EPS8: variants seen among roughly 807,000 people sequenced by gnomAD.
EPS8 encodes EGFR pathway substrate 8, signaling adaptor, also known as epidermal growth factor receptor kinase substrate 8.
In EPS8, 42 loss-of-function variants were observed where a neutral mutation model predicts 103.8. The observed-to-expected ratio is 0.40, with a 90% confidence interval of 0.32 to 0.52. The LOEUF (loss-of-function observed/expected upper bound fraction) is 0.52, where lower values mean the gene tolerates loss of function less well. Ranked by LOEUF, EPS8 falls within the 20% of genes least tolerant of loss-of-function variation. The pLI, the probability that EPS8 is intolerant of heterozygous loss-of-function variation, is 0.40. For missense variants in EPS8, 969 were observed against 1,005.1 expected (o/e 0.96, Z 0.49); for synonymous variants, 344 against 344.6 (o/e 1.00, Z 0.02).
At chr12:15,644,994 C>G (rs1416604463) in intron 15 of EPS8, among the ~76,000 whole-genome samples, 1 of 152,100 alleles carries the variant, frequency 6.6e-6, no homozygotes, top group Non-Finnish European at 1.5e-5. Flanking sequence ...ATAAAATCTA[C>G]CCACCACTCA....
chr12:15,686,747 G>A (rs1203562429), intron 1 of EPS8, among the ~76,000 whole-genome samples: 1 of 152,060 alleles, frequency 6.6e-6, no homozygotes, highest in Non-Finnish European at 1.5e-5. Context: ...ACTCTTGCTT[G>A]CATCTCATAT....
chr12:15,659,405 A>G (rs968299107), intron 10 of EPS8, among the ~76,000 whole-genome samples: 2 of 152,180 alleles, frequency 1.3e-5, no homozygotes, highest in African/African-American at 4.8e-5. Context: ...AACTGGATAC[A>G]GGAGATGTTG....
Position 15,735,608 on chromosome 12 carries a change from G to GT in EPS8, c.-21-52637dup. Among the ~76,000 whole-genome samples the GT allele has an allele frequency of 6.6e-6, 1 of 152,276 alleles. No individual in the cohort carries two copies. Among genetic ancestry groups the GT allele is most frequent in the Admixed American group, 6.5e-5 (1 of 15,288 alleles). On this transcript the variant is annotated intron_variant, in intron 1 of 20. Transcript: ENST00000281172. The surrounding 1 kb of genome is among the most constrained non-coding windows in gnomAD (Gnocchi z 4.4). ...ATATTTTTCTAGCGTTTTATAAACT[G>GT]TAAGTAAAATAGGCACATTTAAGTA... is the stretch of plus-strand genomic sequence containing the variant.
chr12:15,742,175 T>C (rs148756212), intron 1 of EPS8, among the ~76,000 whole-genome samples: 3,107 of 152,326 alleles, frequency 0.02, 105 homozygotes, highest in African/African-American at 0.071. Context: ...TATAAACATA[T>C]GTGTGCATGT....
At chr12:15,632,396 A>G (rs556037235) in intron 17 of EPS8, among the ~76,000 whole-genome samples, 1 of 152,316 alleles carries the variant, frequency 6.6e-6, no homozygotes, top group South Asian at 2.1e-4. Flanking sequence ...TACTTATAAA[A>G]CAGCATTTGT....
intron 1 of EPS8, among the ~76,000 whole-genome samples, chr12:15,718,067 G>A (rs972963264): frequency 3.3e-5 from 5 of 152,158 alleles, no homozygotes; most frequent in Non-Finnish European, 7.4e-5. Flanking sequence ...TAAGACCTCA[G>A]CACAAGGAAA....
At chr12:15,660,314 A>G (rs1047515009) in intron 10 of EPS8, among the ~76,000 whole-genome samples, 3 of 149,322 alleles carry the variant, frequency 2.0e-5, no homozygotes, top group Non-Finnish European at 3.0e-5. Flanking sequence ...TCCAGGCTGG[A>G]GTGCAATGGT....
At chr12:15,732,635 A>G (rs1946729031) in intron 1 of EPS8, 1 of 309,320 alleles carries the variant, frequency 3.2e-6, no homozygotes, top group South Asian at 1.3e-4. Context: ...TTTTCTTTAA[A>G]TAGTCAATTA....
At position 15,733,286 on chromosome 12, in the gene EPS8, G is replaced by A. The variant is rs1368018481; in HGVS notation, c.-21-50314C>T. On this transcript the variant is annotated intron_variant, in intron 1 of 20. Transcript: ENST00000281172. The surrounding 1 kb of genome is among the most constrained non-coding windows in gnomAD (Gnocchi z 4.8). ...GCAAGCCCGTCTAACAGGTGAGAGG[G>A]GACAGTGTGTGAAGGAGGAACTGTC... Among the ~76,000 whole-genome samples, 1 of 152,086 alleles carries A rather than the reference G, an allele frequency of 6.6e-6. No homozygotes were observed. Among genetic ancestry groups the A allele is most frequent in the Non-Finnish European group, 1.5e-5 (1 of 68,018 alleles).
At position 15,734,597 on chromosome 12, in the gene EPS8, G is replaced by C. The variant is rs1700611753; in HGVS notation, c.-21-51625C>G. ...TGGTCCCAGCTACTCGGGAGGCTGA[G>C]GCAGGAGAATGGCGTGAACCTGGGA... On this transcript the variant is annotated intron_variant, in intron 1 of 20. Coordinates refer to ENST00000281172, the MANE Select transcript of EPS8 (RefSeq NM_004447.6). This position sits in a 1 kb window ranked among gnomAD's most constrained non-coding sequence, Gnocchi z 4.1. Among the ~76,000 whole-genome samples, 1 of 152,130 alleles carries C rather than the reference G, an allele frequency of 6.6e-6. No individual in the cohort carries two copies. The highest frequency in any genetic ancestry group is 6.5e-5 in the Admixed American group (1 of 15,282).
Position 15,757,446 on chromosome 12 carries a change from C to T in EPS8, c.-22+31715G>A, listed in dbSNP as rs1328920026. Among the ~76,000 whole-genome samples the T allele has an allele frequency of 6.6e-6, 1 of 151,968 alleles. No individual in the cohort carries two copies. The highest frequency in any genetic ancestry group is 2.4e-5 in the African/African-American group (1 of 41,372). Reference sequence around the variant, plus strand: ...GAGATCGAGACCATCCTGGCCAACACGGTGAAACCTCATCTCTACTAAAAA... The same window carrying T: ...GAGATCGAGACCATCCTGGCCAACATGGTGAAACCTCATCTCTACTAAAAA... On this transcript the variant is annotated intron_variant, in intron 1 of 20. Transcript: ENST00000281172. This position sits in a 1 kb window ranked among gnomAD's most constrained non-coding sequence, Gnocchi z 4.1.
chr12:15,782,639 A>C (rs77453355), intron 1 of EPS8, among the ~76,000 whole-genome samples: 6,102 of 152,296 alleles, frequency 0.04, 415 homozygotes, highest in African/African-American at 0.14. Context: ...TTATCATTTT[A>C]TGGTAGTAAC....
rs941705578 is a variant in EPS8, at chr12:15,706,292, G to A, written c.-21-23320C>T. Among the ~76,000 whole-genome samples the A allele has an allele frequency of 6.6e-6, 1 of 152,168 alleles. No individual in the cohort carries two copies. Among genetic ancestry groups the A allele is most frequent in the African/African-American group, 2.4e-5 (1 of 41,436 alleles). ...GGAGCCTGGCCTTGCCTTTTCCTGC[G>A]TGGAACCTGGGATTCAAAAGGCAAG... On this transcript the variant is annotated intron_variant, in intron 1 of 20. Transcript: ENST00000281172. The surrounding 1 kb of genome is among the most constrained non-coding windows in gnomAD (Gnocchi z 5.2).
intron 12 of EPS8, among the ~76,000 whole-genome samples, chr12:15,656,798 C>T (rs1316373849): frequency 6.6e-6 from 1 of 152,084 alleles, no homozygotes; most frequent in Non-Finnish European, 1.5e-5. Flanking sequence ...CCTGCTCTAC[C>T]CAGTCTTCCC....
intron 3 of EPS8, among the ~76,000 whole-genome samples, chr12:15,677,239 G>T (rs943600031): frequency 6.6e-6 from 1 of 152,106 alleles, no homozygotes; most frequent in East Asian, 1.9e-4. Flanking sequence ...ACTTACCACA[G>T]AATTATTATC....
In EPS8 at chr12:15,749,467, A is replaced by G. The variant is rs1946908792; in HGVS notation, c.-22+39694T>C. ...TCAATAATCATTTGCCTAATGAATAAATCATTTATTGTAATTTGTTTCCAA... is the reference window on the plus strand; with the variant it reads ...TCAATAATCATTTGCCTAATGAATAGATCATTTATTGTAATTTGTTTCCAA... On this transcript the variant is annotated intron_variant, in intron 1 of 20. Transcript: ENST00000281172. The surrounding 1 kb of genome is among the most constrained non-coding windows in gnomAD (Gnocchi z 4.0). Among the ~76,000 whole-genome samples the G allele has an allele frequency of 6.6e-6, 1 of 152,202 alleles. No homozygotes were observed. Among genetic ancestry groups the G allele is most frequent in the Non-Finnish European group, 1.5e-5 (1 of 68,038 alleles).
chr12:15,733,900 C>T lies in EPS8; in HGVS notation c.-21-50928G>A, dbSNP rs11056608. On this transcript the variant is annotated intron_variant, in intron 1 of 20. Coordinates refer to ENST00000281172, the MANE Select transcript of EPS8 (RefSeq NM_004447.6). This position sits in a 1 kb window ranked among gnomAD's most constrained non-coding sequence, Gnocchi z 4.8. ...TTGAAAAAGGGTCTCACTCTGTCACCCAGGCTGGAGTACAGTGATGCAATC... is the reference window on the plus strand; with the variant it reads ...TTGAAAAAGGGTCTCACTCTGTCACTCAGGCTGGAGTACAGTGATGCAATC... Among the ~76,000 whole-genome samples the T allele has an allele frequency of 1.1e-3, 163 of 152,150 alleles. 2 individuals carry two copies. In the East Asian group the frequency reaches 0.03, roughly 28 times the overall value.
At chr12:15,639,262 TGG>T (rs1409699287) in intron 17 of EPS8, among the ~76,000 whole-genome samples, 6 of 151,960 alleles carry the variant, frequency 3.9e-5, no homozygotes, top group African/African-American at 1.5e-4. Flanking sequence ...ACTACCTCTA[TGG>T]GAAAGAAAAT....
intron 1 of EPS8, among the ~76,000 whole-genome samples, chr12:15,689,161 A>C (rs958012143): frequency 3.3e-5 from 5 of 151,760 alleles, no homozygotes; most frequent in Non-Finnish European, 7.4e-5. Context: ...AAGTTACACC[A>C]TTGTGTGATA....
Sources: gnomAD v4.1 joint callset for allele counts (sites outside exome capture counted in the v4.1 genomes callset) on GRCh38, gnomAD v4.1.1 for gene constraint, Gnocchi (gnomAD v3.1) non-coding constraint, MANE v1.5 for transcripts, NCBI Gene and HGNC (gene_info 2026-07-23, HGNC 2026-07-21) for gene names.